The following SBF2 variants were observed in gnomAD, a reference collection of about 807,000 sequenced individuals.
SBF2 encodes the protein myotubularin-related protein 13.
Under a neutral mutation model 225.2 loss-of-function variants are expected in SBF2, and 112 were observed. That is an observed-to-expected ratio of 0.50 (90% CI 0.43 to 0.58). The LOEUF is 0.58. Ranked by LOEUF, SBF2 falls within the 20% of genes least tolerant of loss-of-function variation. The pLI is 0.00. For missense variants in SBF2, 1,996 were observed against 2,206.2 expected, an observed-to-expected ratio of 0.90 and a Z score of 1.91; for synonymous variants, 763 against 773.3, an observed-to-expected ratio of 0.99 and a Z score of 0.22.
At chr11:10,219,713 C>T (rs895353087) in intron 1 of SBF2, among the ~76,000 whole-genome samples, 29 of 152,188 alleles carry the variant, frequency 1.9e-4, no homozygotes, top group Non-Finnish European at 8.8e-5. Context: ...GTTCAAAGTT[C>T]CACAGACCTC....
intron 2 of SBF2, among the ~76,000 whole-genome samples, chr11:10,077,917 CA>C (rs1951185924): frequency 6.6e-6 from 1 of 152,150 alleles, no homozygotes; most frequent in Non-Finnish European, 1.5e-5. Flanking sequence ...CCAGAATCTA[CA>C]AAGAACTTAA....
Position 9,789,340 on chromosome 11 carries a change from A to T in SBF2, c.4701T>A (p.Ala1567=). ...TAGAGACGTTTACATTGGGCTTTAG[A>T]GCCTGTTAAAGAAAACAGAAATATA... is the stretch of plus-strand genomic sequence containing the variant. ...NYLYSPLEIE[A]LKPNVNVSSL... The change falls in exon 35 of 40, where the codon GCT becomes GCA. Residue 1567 remains alanine (A), a splice_region_variant and synonymous_variant. Transcript: ENST00000256190. The T allele has an allele frequency of 6.2e-7, 1 of 1,611,458 alleles. No individual in the cohort carries two copies. Among genetic ancestry groups the T allele is most frequent in the Non-Finnish European group, 8.5e-7 (1 of 1,177,590 alleles).
chr11:10,019,630 A>C (rs143001789), intron 6 of SBF2, among the ~76,000 whole-genome samples: 2 of 152,248 alleles, frequency 1.3e-5, no homozygotes, highest in South Asian at 2.1e-4. Context: ...TGAGAAAACT[A>C]AGCAAGCTTC....
At chr11:9,974,014 G>A (rs2134405870) in intron 13 of SBF2, among the ~76,000 whole-genome samples, 1 of 152,212 alleles carries the variant, frequency 6.6e-6, no homozygotes, top group South Asian at 2.1e-4. Context: ...ACAGTTGATG[G>A]CAATACTGTC....
chr11:10,296,754 A>T (rs1964553074), upstream of SBF2, among the ~76,000 whole-genome samples: 1 of 152,164 alleles, frequency 6.6e-6, no homozygotes, highest in Admixed American at 6.5e-5. Flanking sequence ...TGGGATTGGA[A>T]TTACTGGATT....
At chr11:10,063,954 G>A (rs535126616) in intron 2 of SBF2, among the ~76,000 whole-genome samples, 15 of 152,038 alleles carry the variant, frequency 9.9e-5, no homozygotes, top group African/African-American at 3.1e-4. Flanking sequence ...GAATTAAGGC[G>A]TCGGGGGGAG....
chr11:9,978,784 C>T (rs1479157786), intron 13 of SBF2, among the ~76,000 whole-genome samples: 1 of 152,030 alleles, frequency 6.6e-6, no homozygotes, highest in Non-Finnish European at 1.5e-5. Context: ...TCCCTTGAGC[C>T]CAGGAGTTCC....
intron 1 of SBF2, among the ~76,000 whole-genome samples, chr11:10,196,885 A>G (rs1399037652): frequency 6.0e-5 from 7 of 117,392 alleles, no homozygotes; most frequent in Admixed American, 5.0e-4. Context: ...TTCCTACAAA[A>G]TGAATACCAC....
At chr11:10,105,245 A>G (rs1952498503) in intron 2 of SBF2, among the ~76,000 whole-genome samples, 1 of 152,200 alleles carries the variant, frequency 6.6e-6, no homozygotes, top group South Asian at 2.1e-4. Context: ...GACCTGCAAA[A>G]GCCAGTCTTA....
At chr11:9,940,570 T>G (rs60772983) in intron 16 of SBF2, among the ~76,000 whole-genome samples, 2 of 152,330 alleles carry the variant, frequency 1.3e-5, no homozygotes, top group East Asian at 1.9e-4. Flanking sequence ...AATATTACTA[T>G]TTTTGAAAAA....
chr11:9,930,675 C>A (rs370293700), intron 16 of SBF2, among the ~76,000 whole-genome samples: 6 of 152,182 alleles, frequency 3.9e-5, no homozygotes, highest in Non-Finnish European at 8.8e-5. Flanking sequence ...CAGCTCCCAG[C>A]GTGATCGATG....
intron 16 of SBF2, among the ~76,000 whole-genome samples, chr11:9,920,124 T>C (rs1863486166): frequency 6.6e-6 from 1 of 151,982 alleles, no homozygotes. Context: ...TTGCCAGGTA[T>C]ACTGGGAGAG....
intron 1 of SBF2, among the ~76,000 whole-genome samples, chr11:10,226,603 G>C (rs959555707): frequency 2.6e-5 from 4 of 151,816 alleles, no homozygotes; most frequent in Non-Finnish European, 5.9e-5. Flanking sequence ...CCTTGTGATA[G>C]TTTGCTGAGA....
intron 2 of SBF2, among the ~76,000 whole-genome samples, chr11:10,151,047 C>T (rs182712843): frequency 1.3e-5 from 2 of 152,332 alleles, no homozygotes; most frequent in East Asian, 3.9e-4. Flanking sequence ...TTCTTCCCAA[C>T]TTTCTATGCT....
chr11:10,227,480 T>C (rs529351521), intron 1 of SBF2, among the ~76,000 whole-genome samples: 17 of 152,296 alleles, frequency 1.1e-4, no homozygotes, highest in African/African-American at 4.1e-4. Context: ...CTTTAATCCA[T>C]CTTGAATTAA....
At chr11:10,160,876 A>G (rs1020359999) in intron 2 of SBF2, among the ~76,000 whole-genome samples, 18 of 152,142 alleles carry the variant, frequency 1.2e-4, no homozygotes, top group African/African-American at 4.3e-4. Flanking sequence ...CACGTGTACC[A>G]CTTCCTCCAT....
At chr11:10,226,842 C>T (rs1485797436) in intron 1 of SBF2, among the ~76,000 whole-genome samples, 1 of 152,138 alleles carries the variant, frequency 6.6e-6, no homozygotes, top group East Asian at 1.9e-4. Context: ...TGGGTATATA[C>T]CCAGTAATGG....
At chr11:10,265,451 A>C (rs961138269) in intron 1 of SBF2, among the ~76,000 whole-genome samples, 1 of 116,926 alleles carries the variant, frequency 8.6e-6, no homozygotes, top group Non-Finnish European at 1.6e-5. Context: ...TTGTAAATTT[A>C]ACAGTTTCTA....
chr11:9,959,883 A>G, intron 16 of SBF2: 2 of 432,974 alleles, frequency 4.6e-6, no homozygotes, highest in South Asian at 4.1e-5. Flanking sequence ...GTGCGCTCAG[A>G]AACTCTGCTC....
Sources: allele counts gnomAD v4.1 joint callset (sites outside exome capture counted in the v4.1 genomes callset), GRCh38; gene constraint gnomAD v4.1.1; transcripts MANE v1.5; gene names NCBI Gene and HGNC (gene_info 2026-07-23, HGNC 2026-07-21).